The following SMARCA2 variants were observed in gnomAD, a reference collection of about 807,000 sequenced individuals.
SMARCA2 encodes SWI/SNF related BAF chromatin remodeling complex subunit ATPase 2.
In SMARCA2, 61 loss-of-function variants were observed where a neutral mutation model predicts 199.8. The observed-to-expected ratio is 0.31, with a 90% CI of 0.25 to 0.38. The LOEUF (loss-of-function observed/expected upper bound fraction) is 0.38. SMARCA2 is among the 10% of genes least tolerant of loss of function. The pLI is 1.00. For synonymous variants in SMARCA2, 935 were observed against 732.0 expected (o/e 1.28, Z -4.48); for missense variants, 1,344 against 2,012.2 (o/e 0.67, Z 6.35).
chr9:2,082,293 C>T (rs905337996), intron 15 of SMARCA2, among the ~76,000 whole-genome samples: 3 of 147,262 alleles, frequency 2.0e-5, no homozygotes, highest in Non-Finnish European at 4.5e-5. Flanking sequence ...TTAAGTGGCT[C>T]ACAAAGGGGA....
chr9:2,098,676 G>A (rs1822374646), intron 21 of SMARCA2, among the ~76,000 whole-genome samples: 1 of 152,120 alleles, frequency 6.6e-6, no homozygotes, highest in Non-Finnish European at 1.5e-5. Flanking sequence ...GGGTGCAGGG[G>A]GCTCACCCCT....
chr9:2,045,338 A>C (rs1010513166), intron 4 of SMARCA2: 23 of 152,314 alleles, frequency 1.5e-4, no homozygotes, highest in Middle Eastern at 3.4e-3. Context: ...GAGTCATAGA[A>C]TCATAGGGAA....
chr9:2,130,093 A>G (rs1015406134), intron 27 of SMARCA2, among the ~76,000 whole-genome samples: 9 of 152,138 alleles, frequency 5.9e-5, no homozygotes, highest in African/African-American at 2.2e-4. Flanking sequence ...AGCTCAAGTG[A>G]TCCACCTGCT....
rs544101914 is a variant in SMARCA2, at chr9:2,148,651, C to T, written c.3982-13035C>T. Among the ~76,000 whole-genome samples the T allele has an allele frequency of 8.6e-5, 13 of 151,334 alleles. No individual in the cohort carries two copies. The South Asian group carries it at 1.5e-3, about 17-fold the overall frequency. On this transcript the variant is annotated intron_variant, in intron 27 of 33. Transcript: ENST00000349721. ...TTTTCTTTCTTTTTTCTGAGACACACGCACATGCCACCACACCCAACTAAT... is the reference window on the plus strand; with the variant it reads ...TTTTCTTTCTTTTTTCTGAGACACATGCACATGCCACCACACCCAACTAAT...
intron 23 of SMARCA2, among the ~76,000 whole-genome samples, chr9:2,109,721 A>G (rs1320498321): frequency 6.6e-6 from 1 of 152,252 alleles, no homozygotes; most frequent in Non-Finnish European, 1.5e-5. Context: ...TTCATAATTT[A>G]TGTTTTTACC....
chr9:2,068,521 T>G (rs374191593), intron 9 of SMARCA2, among the ~76,000 whole-genome samples: 1 of 152,224 alleles, frequency 6.6e-6, no homozygotes, highest in Non-Finnish European at 1.5e-5. Context: ...AAACTTTAAG[T>G]GTTTTCGTAA....
At chr9:2,157,797 A>G (rs1156623434) in intron 27 of SMARCA2, 3 of 397,816 alleles carry the variant, frequency 7.5e-6, no homozygotes, top group Non-Finnish European at 1.3e-5. Flanking sequence ...ACTGTGAACC[A>G]CGCATAACAG....
chr9:2,117,691 G>T (rs377372573), intron 25 of SMARCA2, among the ~76,000 whole-genome samples: 4 of 152,116 alleles, frequency 2.6e-5, no homozygotes, highest in African/African-American at 9.7e-5. Context: ...TTCCTAAGCC[G>T]CAGGGAGTTG....
chr9:2,074,545 G>A (rs10964647), intron 12 of SMARCA2, among the ~76,000 whole-genome samples: 12,142 of 152,158 alleles, frequency 0.08, 599 homozygotes, highest in Middle Eastern at 0.12. Flanking sequence ...AATAATAAAA[G>A]TTACATTACA....
intron 21 of SMARCA2, 64 bp downstream of exon 21, chr9:2,097,535 A>T: frequency 9.8e-7 from 1 of 1,018,158 alleles, no homozygotes; most frequent in South Asian, 1.4e-5. Context: ...GTTAAAAAAA[A>T]ACAAACAAAC....
intron 24 of SMARCA2, among the ~76,000 whole-genome samples, chr9:2,112,029 T>C (rs1281486605): frequency 6.6e-6 from 1 of 152,240 alleles, no homozygotes; most frequent in African/African-American, 2.4e-5. Flanking sequence ...TTTTTATAAA[T>C]ACATAAAAGT....
chr9:2,087,606 T>C (rs1230664112), intron 18 of SMARCA2, among the ~76,000 whole-genome samples: 1 of 152,156 alleles, frequency 6.6e-6, no homozygotes, highest in Non-Finnish European at 1.5e-5. Context: ...ATAGTCTTCC[T>C]GGAGTAGCCA....
At chr9:2,105,790 G>C (rs1822729065) in intron 23 of SMARCA2, among the ~76,000 whole-genome samples, 2 of 152,090 alleles carry the variant, frequency 1.3e-5, no homozygotes. Flanking sequence ...TGGGGTTGTG[G>C]GGCTGTATTT....
chr9:2,179,973 A>T (rs1460074875), intron 29 of SMARCA2, among the ~76,000 whole-genome samples: 1 of 152,232 alleles, frequency 6.6e-6, no homozygotes, highest in Non-Finnish European at 1.5e-5. Context: ...AATGGTAGGA[A>T]AAGAACAGAC....
At chr9:2,033,523 C>T (rs1819165825) in intron 3 of SMARCA2, among the ~76,000 whole-genome samples, 1 of 152,228 alleles carries the variant, frequency 6.6e-6, no homozygotes, top group African/African-American at 2.4e-5. Context: ...TAAGGTGAAC[C>T]ACCTGTGTCC....
Position 2,039,818 on chromosome 9 carries a change from A to G in SMARCA2, c.708A>G (p.Gln236=), listed in dbSNP as rs754442970. 499 of 1,586,170 alleles carry G rather than the reference A, an allele frequency of 3.1e-4. No homozygotes were observed. Among genetic ancestry groups the G allele is most frequent in the Admixed American group, 1.4e-3 (82 of 58,182 alleles). ...AGCAGCAGCAGCAGCAGCAGCAGCA[A>G]CAGCAGCCGCAGCAGCAGCCGCCGC... is the stretch of plus-strand genomic sequence containing the variant. ...QQQQQQQQQQ[Q]QQPQQQPPQP... is the part of the protein sequence containing the mutation. The change falls in exon 4 of 34, where the codon CAA becomes CAG. Residue 236 remains glutamine (Q), a synonymous_variant. Coordinates refer to ENST00000349721, the MANE Select transcript of SMARCA2 (RefSeq NM_003070.5). The surrounding 1 kb of genome is among the most constrained non-coding windows in gnomAD (Gnocchi z 4.8).
At chr9:2,191,470 G>T (rs769861904) in intron 33 of SMARCA2, 62 bp downstream of exon 33, 3 of 1,566,040 alleles carry the variant, frequency 1.9e-6, no homozygotes, top group Non-Finnish European at 2.6e-6. Flanking sequence ...CTGGCCTCTT[G>T]CATTTCCATG....
chr9:2,118,049 G>A lies in SMARCA2; in HGVS notation c.3685-1409G>A, dbSNP rs535778785. On this transcript the variant is annotated intron_variant, in intron 25 of 33. Coordinates refer to ENST00000349721, the MANE Select transcript of SMARCA2 (RefSeq NM_003070.5). ...TGGTTTTCCATGAAGGTCATAAACA[G>A]GCACTTTACAAGAGAATCTTTTCAT... Among the ~76,000 whole-genome samples, 6 of 152,322 alleles carry A rather than the reference G, an allele frequency of 3.9e-5. No homozygotes were observed. In the East Asian group the frequency reaches 1.2e-3, roughly 29 times the overall value.
intron 1 of SMARCA2, among the ~76,000 whole-genome samples, chr9:2,022,749 G>T (rs1443785948): frequency 6.6e-6 from 1 of 152,212 alleles, no homozygotes; most frequent in Non-Finnish European, 1.5e-5. Flanking sequence ...CCAGAATGAG[G>T]TTGCTTTGCA....
Sources: gnomAD v4.1 joint callset for allele counts (sites outside exome capture counted in the v4.1 genomes callset) on GRCh38, gnomAD v4.1.1 for gene constraint, Gnocchi (gnomAD v3.1) non-coding constraint, MANE v1.5 for transcripts, NCBI Gene and HGNC (gene_info 2026-07-23, HGNC 2026-07-21) for gene names.